SEMA3E: variants seen among roughly 807,000 people sequenced by gnomAD.
SEMA3E encodes semaphorin 3E, also known as semaphorin-3E.
Under a neutral mutation model 93.6 loss-of-function variants are expected in SEMA3E, and 49 were observed. The observed-to-expected ratio is 0.52, with a 90% CI of 0.42 to 0.66. The LOEUF is 0.66. Ranked by LOEUF, SEMA3E falls within the 30% of genes least tolerant of loss-of-function variation. The pLI is 0.00. For synonymous variants in SEMA3E, 363 were observed against 330.7 expected, an observed-to-expected ratio of 1.10 and a Z score of -1.06; for missense variants, 906 against 964.8, an observed-to-expected ratio of 0.94 and a Z score of 0.81.
At chr7:83,538,589 A>G (rs1791455010) in intron 1 of SEMA3E, among the ~76,000 whole-genome samples, 1 of 152,316 alleles carries the variant, frequency 6.6e-6, no homozygotes, top group Middle Eastern at 3.4e-3. Context: ...AAATTGTTAA[A>G]TCATTATTTT....
chr7:83,647,803 A>G (rs1277890567), intron 1 of SEMA3E, among the ~76,000 whole-genome samples: 3 of 152,238 alleles, frequency 2.0e-5, no homozygotes, highest in Non-Finnish European at 2.9e-5. Context: ...AAGCATTGTC[A>G]TAAACTATTT....
chr7:83,442,870 T>C (rs1789145707), intron 4 of SEMA3E, among the ~76,000 whole-genome samples: 1 of 152,150 alleles, frequency 6.6e-6, no homozygotes, highest in East Asian at 1.9e-4. Flanking sequence ...CTTTAGCACT[T>C]TCCTCTAATT....
intron 4 of SEMA3E, among the ~76,000 whole-genome samples, chr7:83,449,615 C>T (rs1789311772): frequency 6.6e-6 from 1 of 152,096 alleles, no homozygotes; most frequent in Admixed American, 6.6e-5. Flanking sequence ...TCTCTACTCC[C>T]TCACACACTA....
chr7:83,405,041 A>G (rs1788300841), intron 9 of SEMA3E, among the ~76,000 whole-genome samples: 1 of 152,200 alleles, frequency 6.6e-6, no homozygotes, highest in South Asian at 2.1e-4. Context: ...GTAACAGTTG[A>G]GATAGAACCT....
intron 4 of SEMA3E, among the ~76,000 whole-genome samples, chr7:83,439,378 A>G (rs1789065503): frequency 6.6e-6 from 1 of 152,226 alleles, no homozygotes; most frequent in African/African-American, 2.4e-5. Context: ...CTGCAGCCAT[A>G]TAGCTCTCTT....
intron 1 of SEMA3E, among the ~76,000 whole-genome samples, chr7:83,569,255 A>G (rs768833755): frequency 2.0e-5 from 3 of 152,078 alleles, no homozygotes; most frequent in Non-Finnish European, 4.4e-5. Flanking sequence ...AAATGGAAAG[A>G]TATCCCAAGC....
intron 1 of SEMA3E, among the ~76,000 whole-genome samples, chr7:83,576,301 T>C (rs1297449732): frequency 6.6e-6 from 1 of 152,176 alleles, no homozygotes; most frequent in African/African-American, 2.4e-5. Flanking sequence ...ATCAACCTTT[T>C]ATTGGAAAAT....
intron 1 of SEMA3E, among the ~76,000 whole-genome samples, chr7:83,623,295 T>C (rs1793603617): frequency 6.6e-6 from 1 of 152,112 alleles, no homozygotes; most frequent in Admixed American, 6.6e-5. Context: ...ACATGAATTA[T>C]GGTACATTCA....
rs1562744536 is a variant in SEMA3E, at chr7:83,365,178, A to G, written c.*2408T>C. ...GTGTGTGTTGGGAGAGAGAGGGAGA[A>G]ACTGAGAAAATGGTGGGACATGAAA... is the stretch of plus-strand genomic sequence containing the variant. On this transcript the variant is annotated 3_prime_UTR_variant, in exon 17 of 17. Transcript: ENST00000643230. 1 of 151,868 alleles carries G rather than the reference A, an allele frequency of 6.6e-6. No individual in the cohort carries two copies. The highest frequency in any genetic ancestry group is 1.5e-5 in the Non-Finnish European group (1 of 67,940). 9.4% of individuals were successfully genotyped at this position (151,868 alleles called of 1,614,324 possible).
At chr7:83,607,728 A>T (rs1300828793) in intron 1 of SEMA3E, among the ~76,000 whole-genome samples, 1 of 152,190 alleles carries the variant, frequency 6.6e-6, no homozygotes, top group Admixed American at 6.5e-5. Context: ...AGAAGGAAGG[A>T]AGACAAAAGA....
chr7:83,497,639 T>C (rs1305733620), intron 1 of SEMA3E, among the ~76,000 whole-genome samples: 3 of 152,234 alleles, frequency 2.0e-5, no homozygotes, highest in Non-Finnish European at 2.9e-5. Context: ...CTTATGATGT[T>C]GAAACAGATT....
At chr7:83,488,067 A>G (rs999539818) in intron 2 of SEMA3E, among the ~76,000 whole-genome samples, 7 of 152,056 alleles carry the variant, frequency 4.6e-5, no homozygotes, top group Non-Finnish European at 8.8e-5. Flanking sequence ...AAGCTGATTC[A>G]TAAAAAAGAC....
At chr7:83,595,531 T>C (rs1042327320) in intron 1 of SEMA3E, among the ~76,000 whole-genome samples, 9 of 152,126 alleles carry the variant, frequency 5.9e-5, no homozygotes, top group African/African-American at 2.2e-4. Flanking sequence ...AATGTCCTTT[T>C]ATTTTCTCAG....
intron 1 of SEMA3E, among the ~76,000 whole-genome samples, chr7:83,600,320 C>A (rs1243720460): frequency 7.0e-6 from 1 of 142,928 alleles, no homozygotes; most frequent in South Asian, 2.2e-4. Context: ...AATATTAATT[C>A]TTTTTTTTTT....
intron 5 of SEMA3E, among the ~76,000 whole-genome samples, chr7:83,414,639 T>C (rs1479549239): frequency 6.6e-6 from 1 of 152,106 alleles, no homozygotes; most frequent in Non-Finnish European, 1.5e-5. Context: ...ATAAAATTCA[T>C]GGACTATAAA....
Position 83,386,980 on chromosome 7 carries a change from T to G in SEMA3E, c.1735+3A>C, listed in dbSNP as rs764623926. The G allele has an allele frequency of 6.2e-7, 1 of 1,612,782 alleles. No homozygotes were observed. On this transcript the variant is annotated splice_donor_region_variant and intron_variant, in intron 15 of 16. Coordinates refer to ENST00000643230, the MANE Select transcript of SEMA3E (RefSeq NM_012431.3). Reference sequence around the variant, plus strand: ...CCAGAACAACTGATTTTCTATGGATTACCAACAAACTGTTGTCCAAAGCAC... The same window carrying G: ...CCAGAACAACTGATTTTCTATGGATGACCAACAAACTGTTGTCCAAAGCAC...
intron 1 of SEMA3E, among the ~76,000 whole-genome samples, chr7:83,549,804 C>A (rs1791723370): frequency 6.6e-6 from 1 of 152,056 alleles, no homozygotes; most frequent in African/African-American, 2.4e-5. Context: ...TTTCCATAAT[C>A]TAATCATTAT....
At chr7:83,571,963 C>T (rs993865142) in intron 1 of SEMA3E, among the ~76,000 whole-genome samples, 1 of 151,852 alleles carries the variant, frequency 6.6e-6, no homozygotes, top group Non-Finnish European at 1.5e-5. Context: ...AGAACACAAT[C>T]CCACTTACAG....
intron 1 of SEMA3E, among the ~76,000 whole-genome samples, chr7:83,608,399 A>G (rs1449175736): frequency 6.6e-6 from 1 of 152,064 alleles, no homozygotes; most frequent in African/African-American, 2.4e-5. Flanking sequence ...GAATTTTTTA[A>G]AGGAAAAATT....
Sources: allele counts gnomAD v4.1 joint callset (sites outside exome capture counted in the v4.1 genomes callset), GRCh38; gene constraint gnomAD v4.1.1; transcripts MANE v1.5; gene names NCBI Gene and HGNC (gene_info 2026-07-23, HGNC 2026-07-21).